Variants in EFR3A observed in about 807,000 individuals in gnomAD.
EFR3A encodes protein EFR3 homolog A.
A neutral mutation model predicts 104.4 loss-of-function variants in EFR3A; 76 were observed. That is an observed-to-expected ratio of 0.73 (90% CI 0.60 to 0.88). EFR3A has a LOEUF of 0.88. Ranked by LOEUF, EFR3A falls within the 40% of genes least tolerant of loss-of-function variation. The pLI is 0.00. For missense variants in EFR3A, 985 were observed against 1,012.5 expected, an observed-to-expected ratio of 0.97 and a Z score of 0.37; for synonymous variants, 330 against 330.0, an observed-to-expected ratio of 1.00 and a Z score of 0.00.
intron 18 of EFR3A, among the ~76,000 whole-genome samples, chr8:131,988,341 G>A (rs963220731): frequency 6.6e-6 from 1 of 152,024 alleles, no homozygotes; most frequent in Non-Finnish European, 1.5e-5. Context: ...AATTTTGTAA[G>A]TGAATTAGTT....
At chr8:131,905,766 TTTA>T (rs1469680935) in intron 1 of EFR3A, among the ~76,000 whole-genome samples, 1 of 152,250 alleles carries the variant, frequency 6.6e-6, no homozygotes, top group East Asian at 1.9e-4. Flanking sequence ...ATGCTAATCT[TTTA>T]TTTTCTGAGA....
At chr8:131,987,836 A>G (rs1295669141) in intron 18 of EFR3A, 134 bp downstream of exon 18, 4 of 925,216 alleles carry the variant, frequency 4.3e-6, no homozygotes, top group Non-Finnish European at 6.3e-6. Context: ...CAAATGCTTA[A>G]GAGTATTTAC....
chr8:131,987,730 C>G, intron 18 of EFR3A, 28 bp downstream of exon 18: 2 of 1,559,474 alleles, frequency 1.3e-6, no homozygotes, highest in South Asian at 2.4e-5. Context: ...AGAACTTTCA[C>G]TCTGGTGATT....
chr8:131,910,836 A>G (rs1164474648), intron 1 of EFR3A, among the ~76,000 whole-genome samples: 1 of 152,158 alleles, frequency 6.6e-6, no homozygotes, highest in Non-Finnish European at 1.5e-5. Context: ...ATGAATCTTC[A>G]TCCTATAGTG....
rs1432584788 is a variant in EFR3A at position 132,012,059 on chromosome 8, TCA to T, written c.*1167_*1168del. 1 of 152,168 alleles carries T rather than the reference TCA, an allele frequency of 6.6e-6. No homozygotes were observed. Among genetic ancestry groups the T allele is most frequent in the Non-Finnish European group, 1.5e-5 (1 of 68,020 alleles). The allele number at this position is 152,168 out of a possible 1,614,324, so 9.4% of individuals were successfully genotyped here. On this transcript the variant is annotated 3_prime_UTR_variant, in exon 23 of 23. Transcript: ENST00000254624. Reference sequence around the variant, plus strand: ...ATTACATACATCTTAGTGAATTCTATCACATGGTAAAATGAACAGCTTTCTTT... The same window carrying T: ...ATTACATACATCTTAGTGAATTCTATCATGGTAAAATGAACAGCTTTCTTT...
chr8:132,005,490 T>A (rs1821992173), intron 22 of EFR3A, among the ~76,000 whole-genome samples: 1 of 151,042 alleles, frequency 6.6e-6, no homozygotes, highest in Admixed American at 6.6e-5. Context: ...GCCTCACAGA[T>A]AACCCAGTTA....
intron 1 of EFR3A, among the ~76,000 whole-genome samples, chr8:131,915,373 C>A (rs1816698100): frequency 6.6e-6 from 1 of 152,142 alleles, no homozygotes; most frequent in South Asian, 2.1e-4. Flanking sequence ...GTCATAGGTA[C>A]TGTCAGTATG....
chr8:131,986,043 C>T (rs1820858058), intron 16 of EFR3A, 151 bp from the exon 17 acceptor site: 1 of 454,936 alleles, frequency 2.2e-6, no homozygotes, highest in East Asian at 3.4e-5. Context: ...TACATTTGGG[C>T]TGTAAACTTA....
intron 2 of EFR3A, among the ~76,000 whole-genome samples, chr8:131,941,554 A>T (rs752063288): frequency 1.3e-5 from 2 of 152,102 alleles, no homozygotes; most frequent in Non-Finnish European, 2.9e-5. Context: ...CATATTAAAA[A>T]CCCTAAGATA....
Position 132,012,672 on chromosome 8 carries a change from A to T in EFR3A, c.*1777A>T, listed in dbSNP as rs1166174121. ...ATTTTAAAAAAATCTAAGCAGGGGGACATGCAAAAACAATCATCATCCACT... is the reference window on the plus strand; with the variant it reads ...ATTTTAAAAAAATCTAAGCAGGGGGTCATGCAAAAACAATCATCATCCACT... On this transcript the variant is annotated 3_prime_UTR_variant, in exon 23 of 23. Coordinates refer to ENST00000254624, the MANE Select transcript of EFR3A (RefSeq NM_015137.6). The T allele has an allele frequency of 6.6e-6, 1 of 152,478 alleles. No individual in the cohort carries two copies. Among genetic ancestry groups the T allele is most frequent in the Non-Finnish European group, 1.5e-5 (1 of 68,000 alleles). 9.4% of individuals were successfully genotyped at this position (152,478 alleles called of 1,614,324 possible). A position where few individuals can be genotyped will look rare whatever the true frequency, so the allele number is the denominator to read the frequency against.
chr8:131,932,887 T>A (rs975699399), intron 1 of EFR3A, among the ~76,000 whole-genome samples: 2 of 152,132 alleles, frequency 1.3e-5, no homozygotes, highest in Non-Finnish European at 2.9e-5. Flanking sequence ...ATAGTCTGAT[T>A]TGCCTTATGC....
intron 8 of EFR3A, among the ~76,000 whole-genome samples, chr8:131,964,500 G>T (rs1431856977): frequency 1.3e-5 from 2 of 151,912 alleles, no homozygotes; most frequent in Non-Finnish European, 2.9e-5. Flanking sequence ...AAATACCTAG[G>T]AATCCAACTT....
chr8:131,953,245 A>G lies in EFR3A; in HGVS notation c.489-573A>G, dbSNP rs1387264794. On this transcript the variant is annotated intron_variant, in intron 5 of 22. Transcript: ENST00000254624. ...ACATTTTAAGTCACATTATCAGATT[A>G]TTATATGATAATGTATATGTGTTTA... Among the ~76,000 whole-genome samples the G allele has an allele frequency of 2.6e-5, 4 of 152,196 alleles. No individual in the cohort carries two copies. In the East Asian group the frequency reaches 7.7e-4, roughly 29 times the overall value.
chr8:131,983,084 G>T (rs1820699408), intron 14 of EFR3A, among the ~76,000 whole-genome samples: 1 of 152,154 alleles, frequency 6.6e-6, no homozygotes, highest in Admixed American at 6.6e-5. Flanking sequence ...ATGCATACTT[G>T]TTACAGACAT....
At position 132,002,635 on chromosome 8, in the gene EFR3A, A is replaced by G. The variant is rs1821838811; in HGVS notation, c.2239A>G (p.Lys747Glu). Residue 747 changes from lysine (K) to glutamate (E), a missense_variant, in exon 21 of 23, where the codon AAG (lysine) becomes GAG (glutamate). Transcript: ENST00000254624. ...TSGMEEQEKE[K>E]RRLVIEKFQK... ...TGGAATGGAAGAACAGGAAAAGGAAAAGAGGCGTCTTGTGATAGAGAAATT... is the reference window on the plus strand; with the variant it reads ...TGGAATGGAAGAACAGGAAAAGGAAGAGAGGCGTCTTGTGATAGAGAAATT... 2 of 1,613,812 alleles carry G rather than the reference A, an allele frequency of 1.2e-6. No individual in the cohort carries two copies. Among genetic ancestry groups the G allele is most frequent in the Non-Finnish European group, 1.7e-6 (2 of 1,179,724 alleles).
intron 1 of EFR3A, among the ~76,000 whole-genome samples, chr8:131,917,361 TA>T (rs1816790350): frequency 6.6e-6 from 1 of 152,202 alleles, no homozygotes; most frequent in Non-Finnish European, 1.5e-5. Context: ...TATGACACAG[TA>T]AACAGGCTCT....
intron 18 of EFR3A, among the ~76,000 whole-genome samples, chr8:131,993,043 TG>T (rs1467086945): frequency 1.3e-5 from 2 of 152,132 alleles, no homozygotes; most frequent in Non-Finnish European, 2.9e-5. Flanking sequence ...TTGTCACAAC[TG>T]GGACAGAGAG....
At chr8:131,970,758 TC>T in intron 10 of EFR3A, 115 bp downstream of exon 10, 2 of 1,071,872 alleles carry the variant, frequency 1.9e-6, no homozygotes, top group Non-Finnish European at 2.6e-6. Context: ...AGCTTAAATT[TC>T]TGAAAATTTA....
At chr8:132,005,154 A>G (rs970991820) in intron 22 of EFR3A, among the ~76,000 whole-genome samples, 1 of 152,218 alleles carries the variant, frequency 6.6e-6, no homozygotes, top group Non-Finnish European at 1.5e-5. Flanking sequence ...GTAAACAGAC[A>G]TACATGGAAG....
Sources: allele counts gnomAD v4.1 joint callset (sites outside exome capture counted in the v4.1 genomes callset), GRCh38; gene constraint gnomAD v4.1.1; transcripts MANE v1.5; gene names NCBI Gene and HGNC (gene_info 2026-07-23, HGNC 2026-07-21).